Variants in RNF168 observed in about 807,000 individuals in gnomAD.
The protein encoded by RNF168 is ring finger protein 168.
In RNF168, 34 loss-of-function variants were observed where a neutral mutation model predicts 34.9. The observed-to-expected ratio is 0.97, with a 90% CI of 0.74 to 1.30. The LOEUF (loss-of-function observed/expected upper bound fraction) is 1.30, where lower values mean the gene tolerates loss of function less well. Ranked by LOEUF, RNF168 falls within the 50% of genes most tolerant of loss-of-function variation. RNF168 has a pLI of 0.00. For synonymous variants in RNF168, 264 were observed against 254.7 expected (o/e 1.04, Z -0.35); for missense variants, 725 against 682.5 (o/e 1.06, Z -0.69).
intron 5 of RNF168, among the ~76,000 whole-genome samples, chr3:196,473,767 G>A (rs891159442): frequency 2.6e-5 from 4 of 151,740 alleles, no homozygotes; most frequent in Non-Finnish European, 2.9e-5. Context: ...AGGATGCACC[G>A]AGCATCCACT....
At chr3:196,476,559 G>A (rs1732154240) in intron 4 of RNF168, among the ~76,000 whole-genome samples, 1 of 151,612 alleles carries the variant, frequency 6.6e-6, no homozygotes, top group Admixed American at 6.6e-5. Context: ...GGGATTACAG[G>A]CATGTGCCAC....
intron 1 of RNF168, among the ~76,000 whole-genome samples, chr3:196,491,491 A>T (rs1189267872): frequency 1.3e-5 from 2 of 151,790 alleles, no homozygotes; most frequent in African/African-American, 4.8e-5. Flanking sequence ...CTACCAAAAA[A>T]TACAAAAAGC....
Position 196,471,966 on chromosome 3 carries a change from T to C in RNF168, c.1569A>G (p.Leu523=). Reference sequence around the variant, plus strand: ...TAACTGACTGCTTCAACTGCATCTTTAAAGACACTTGCCTATTTTTGTCCC... The same window carrying C: ...TAACTGACTGCTTCAACTGCATCTTCAAAGACACTTGCCTATTTTTGTCCC... ...GSRDKNRQVS[L]KMQLKQSVNR... is the part of the protein sequence containing the mutation. The change falls in exon 6 of 6, where the codon TTA becomes TTG. Residue 523 remains leucine, a synonymous_variant. Transcript: ENST00000318037. 1.2e-6 allele frequency: 2 copies of C among 1,614,200 alleles called. No individual in the cohort carries two copies. The highest frequency in any genetic ancestry group is 1.1e-5 in the South Asian group (1 of 91,090).
intron 4 of RNF168, among the ~76,000 whole-genome samples, chr3:196,478,026 G>A (rs894009226): frequency 6.6e-6 from 1 of 152,246 alleles, no homozygotes; most frequent in African/African-American, 2.4e-5. Context: ...TGAGGCTGCA[G>A]TGAGCTATTT....
intron 1 of RNF168, among the ~76,000 whole-genome samples, chr3:196,490,497 T>C (rs931348088): frequency 2.0e-5 from 3 of 152,110 alleles, no homozygotes; most frequent in Middle Eastern, 6.8e-3. Flanking sequence ...ATGGGTACAA[T>C]GTACATTATT....
chr3:196,471,536 G>C lies in RNF168; in HGVS notation c.*283C>G, dbSNP rs1385527331. Reference sequence around the variant, plus strand: ...AGTTTTTGGAAAGACAATGGCACTTGAAGATTTCCTGGAGTTGGCCAAAGC... The same window carrying C: ...AGTTTTTGGAAAGACAATGGCACTTCAAGATTTCCTGGAGTTGGCCAAAGC... On this transcript the variant is annotated 3_prime_UTR_variant, in exon 6 of 6. Coordinates refer to ENST00000318037, the MANE Select transcript of RNF168 (RefSeq NM_152617.4). 5 of 368,364 alleles carry C rather than the reference G, an allele frequency of 1.4e-5. No individual in the cohort carries two copies. Among genetic ancestry groups the C allele is most frequent in the African/African-American group, 4.1e-5 (2 of 48,928 alleles). 22.8% of individuals were successfully genotyped at this position (368,364 alleles called of 1,614,324 possible).
chr3:196,488,304 A>C (rs1320433350), intron 2 of RNF168, among the ~76,000 whole-genome samples: 1 of 152,006 alleles, frequency 6.6e-6, no homozygotes, highest in Admixed American at 6.6e-5. Flanking sequence ...ACACTGTGAA[A>C]CCCCATCTCT....
intron 3 of RNF168, among the ~76,000 whole-genome samples, chr3:196,484,729 C>T (rs546762020): frequency 6.6e-6 from 1 of 152,178 alleles, no homozygotes; most frequent in South Asian, 2.1e-4. Flanking sequence ...TCATAGCTCA[C>T]TGTAGCCTCA....
chr3:196,472,217 G>A lies in RNF168; in HGVS notation c.1318C>T (p.His440Tyr), dbSNP rs778687140. Residue 440 changes from histidine to tyrosine, a missense_variant, in exon 6 of 6, where the codon CAT (histidine) becomes TAT (tyrosine). Physicochemically the swap from His to Tyr is moderately conservative, Grantham distance 83 (BLOSUM62 2). Transcript: ENST00000318037. ...AACCTGTCCTGTTCTTCTTGTTTAT[G>A]TCTCTCAAACAGTAGATGCTCCAAA... The part of the protein sequence containing the change: ...IDLEHLLFER[H>Y]KQEEQDRLLA... 1 of 1,613,944 alleles carries A rather than the reference G, an allele frequency of 6.2e-7. No homozygotes were observed. The highest frequency in any genetic ancestry group is 8.5e-7 in the Non-Finnish European group (1 of 1,179,878).
intron 4 of RNF168, among the ~76,000 whole-genome samples, chr3:196,475,887 T>A (rs1161874904): frequency 7.0e-6 from 1 of 142,906 alleles, no homozygotes; most frequent in Non-Finnish European, 1.5e-5. Flanking sequence ...TGAGACGGAG[T>A]CTCCCTCTGT....
At chr3:196,491,935 A>C (rs1218365306) in intron 1 of RNF168, among the ~76,000 whole-genome samples, 1 of 152,148 alleles carries the variant, frequency 6.6e-6, no homozygotes, top group Non-Finnish European at 1.5e-5. Context: ...TAGAGCAATT[A>C]AACCCGTAGA....
chr3:196,487,883 A>G (rs138502399), intron 2 of RNF168, among the ~76,000 whole-genome samples: 9 of 152,338 alleles, frequency 5.9e-5, no homozygotes, highest in Non-Finnish European at 1.3e-4. Flanking sequence ...GTATAACTTC[A>G]TATGTAATTA....
chr3:196,484,472 CCTTTTT>C (rs1732375844), intron 3 of RNF168, among the ~76,000 whole-genome samples: 1 of 114,602 alleles, frequency 8.7e-6, no homozygotes, highest in Non-Finnish European at 1.7e-5. Flanking sequence ...CCGCGCCCGG[CCTTTTT>C]TTTTTTTTTT....
At chr3:196,485,783 T>A (rs1732408601) in intron 3 of RNF168, among the ~76,000 whole-genome samples, 1 of 87,390 alleles carries the variant, frequency 1.1e-5, no homozygotes, top group Non-Finnish European at 2.5e-5. Context: ...TATACATATA[T>A]ATTTTTTTAT....
At chr3:196,493,804 G>C (rs1732668025) in intron 1 of RNF168, among the ~76,000 whole-genome samples, 1 of 151,510 alleles carries the variant, frequency 6.6e-6, no homozygotes, top group Non-Finnish European at 1.5e-5. Flanking sequence ...TTACAGGTGT[G>C]AGCCACCGTG....
At chr3:196,479,302 C>T (rs936996533) in intron 4 of RNF168, among the ~76,000 whole-genome samples, 5 of 151,642 alleles carry the variant, frequency 3.3e-5, no homozygotes, top group Admixed American at 1.3e-4. Context: ...TGTGAGCCAC[C>T]GTGCCTGGCT....
intron 5 of RNF168, among the ~76,000 whole-genome samples, chr3:196,473,851 C>G (rs1433137025): frequency 1.3e-5 from 2 of 151,590 alleles, no homozygotes; most frequent in Admixed American, 1.3e-4. Flanking sequence ...AAAAAAATAC[C>G]TAGTGTTTGG....
At chr3:196,489,332 GT>G (rs545716847) in intron 1 of RNF168, among the ~76,000 whole-genome samples, 42 of 141,006 alleles carry the variant, frequency 3.0e-4, no homozygotes, top group South Asian at 8.9e-4. Context: ...AAAAAAAAAT[GT>G]TTTTTTTTTT....
chr3:196,490,701 A>G (rs767369989), intron 1 of RNF168, among the ~76,000 whole-genome samples: 1 of 152,222 alleles, frequency 6.6e-6, no homozygotes, highest in Non-Finnish European at 1.5e-5. Flanking sequence ...ACATGCACAC[A>G]GGATTCCTAT....
Sources: allele counts gnomAD v4.1 joint callset (sites outside exome capture counted in the v4.1 genomes callset), GRCh38; gene constraint gnomAD v4.1.1; transcripts MANE v1.5; gene names NCBI Gene and HGNC (gene_info 2026-07-23, HGNC 2026-07-21).